Variants in CADM2 observed in about 807,000 individuals in gnomAD.
CADM2 encodes immunoglobulin superfamily member 4D.
In CADM2, 12 loss-of-function variants were observed where a neutral mutation model predicts 49.8. That is an observed-to-expected ratio of 0.24 (90% CI 0.15 to 0.39). The LOEUF is 0.39. Among genes scored for constraint, CADM2 ranks in the 10% least tolerant of loss-of-function variants. The probability of loss-of-function intolerance (pLI) is 1.00; values close to 1 mark genes in which losing one functional copy is unlikely to be tolerated. For synonymous variants in CADM2, 214 were observed against 175.4 expected (o/e 1.22, Z -1.74); for missense variants, 378 against 492.3 (o/e 0.77, Z 2.20).
chr3:85,132,290 C>T (rs756940075), intron 1 of CADM2, among the ~76,000 whole-genome samples: 12 of 152,218 alleles, frequency 7.9e-5, no homozygotes, highest in Non-Finnish European at 1.3e-4. Context: ...CAAAGAACCC[C>T]GTGACTACCT....
chr3:85,326,386 T>G (rs368713908), intron 1 of CADM2, among the ~76,000 whole-genome samples: 12 of 152,210 alleles, frequency 7.9e-5, no homozygotes, highest in African/African-American at 2.9e-4. Context: ...CATAAAAGTG[T>G]TGACTGAGTT....
intron 8 of CADM2, among the ~76,000 whole-genome samples, chr3:85,999,271 T>G (rs28526427): frequency 0.85 from 120,748 of 142,790 alleles, 50,915 homozygotes; most frequent in East Asian, 0.93. Flanking sequence ...GGCCGAGGGT[T>G]GGGGGGTGGA....
chr3:85,520,035 A>G lies in CADM2; in HGVS notation c.62-206487A>G, dbSNP rs191814078. ...AGATGCACTAAAATCTACCAACAGT[A>G]CTATTGTCCCTGGAGACTATTATAA... On this transcript the variant is annotated intron_variant, in intron 1 of 9. Transcript: ENST00000383699. Among the ~76,000 whole-genome samples, 142 of 152,170 alleles carry G rather than the reference A, an allele frequency of 9.3e-4. 1 individual carries two copies. Among genetic ancestry groups the G allele is most frequent in the Non-Finnish European group, 9.6e-4 (65 of 67,924 alleles).
At chr3:85,018,586 C>G (rs2034351663) in intron 1 of CADM2, among the ~76,000 whole-genome samples, 1 of 152,022 alleles carries the variant, frequency 6.6e-6, no homozygotes, top group Non-Finnish European at 1.5e-5. Context: ...AACTCCTGAC[C>G]TCAGGTGATC....
At chr3:85,842,308 G>A (rs1227437325) in intron 3 of CADM2, among the ~76,000 whole-genome samples, 2 of 152,078 alleles carry the variant, frequency 1.3e-5, no homozygotes, top group East Asian at 1.9e-4. Flanking sequence ...GCAGCCTCTG[G>A]AGATGAGGAA....
intron 2 of CADM2, among the ~76,000 whole-genome samples, chr3:85,797,490 T>C (rs2071698389): frequency 1.3e-5 from 2 of 152,158 alleles, no homozygotes; most frequent in Admixed American, 6.6e-5. Context: ...CTCCCACTTA[T>C]GAGTGAGAAC....
chr3:85,660,607 C>T (rs1048201833), intron 1 of CADM2, among the ~76,000 whole-genome samples: 3 of 152,026 alleles, frequency 2.0e-5, no homozygotes, highest in African/African-American at 7.2e-5. Context: ...ATTTCACTAT[C>T]TTGTTTGATT....
intron 1 of CADM2, among the ~76,000 whole-genome samples, chr3:85,566,659 A>G (rs764550447): frequency 6.6e-6 from 1 of 152,164 alleles, no homozygotes; most frequent in Admixed American, 6.6e-5. Flanking sequence ...AAAAAATTGG[A>G]AAATCTGCTC....
Position 85,927,533 on chromosome 3 carries a change from G to A in CADM2, c.701-8234G>A, listed in dbSNP as rs2108518128. On this transcript the variant is annotated intron_variant, in intron 6 of 9. Coordinates refer to ENST00000383699, the MANE Select transcript of CADM2 (RefSeq NM_001167675.2). ...TGTCTTAGGAACTATGTAAGTGTTT[G>A]TCAAATGAATAAATGACAGTACTCA... is the stretch of plus-strand genomic sequence containing the variant. 3.3e-5 allele frequency among the ~76,000 whole-genome samples: 5 copies of A among 152,276 alleles called. No homozygotes were observed. The Middle Eastern group carries it at 0.014, about 414-fold the overall frequency.
intron 3 of CADM2, among the ~76,000 whole-genome samples, chr3:85,881,422 T>C (rs1712753248): frequency 6.6e-6 from 1 of 152,184 alleles, no homozygotes. Flanking sequence ...GTTATGATTT[T>C]CCTGGTGTTT....
chr3:85,730,892 C>A (rs568825738), intron 2 of CADM2, among the ~76,000 whole-genome samples: 1 of 151,950 alleles, frequency 6.6e-6, no homozygotes, highest in Non-Finnish European at 1.5e-5. Flanking sequence ...ATTTTCAAAG[C>A]GAATGTCTTA....
intron 1 of CADM2, among the ~76,000 whole-genome samples, chr3:85,238,250 T>G (rs528545984): frequency 2.6e-5 from 4 of 152,148 alleles, no homozygotes; most frequent in African/African-American, 9.6e-5. Context: ...GTGCCATATT[T>G]ACATTCTATA....
intron 1 of CADM2, among the ~76,000 whole-genome samples, chr3:85,686,729 C>T (rs1490526908): frequency 8.5e-5 from 13 of 152,154 alleles, no homozygotes; most frequent in Admixed American, 8.5e-4. Context: ...ACCTGCCCCC[C>T]ATTCTATTCA....
intron 1 of CADM2, among the ~76,000 whole-genome samples, chr3:85,308,709 A>C (rs551898293): frequency 5.3e-5 from 8 of 152,134 alleles, no homozygotes; most frequent in African/African-American, 1.9e-4. Flanking sequence ...AGAGCTTTGC[A>C]GTGTATAAAG....
chr3:85,866,747 G>A (rs13071488), intron 3 of CADM2, among the ~76,000 whole-genome samples: 48,312 of 151,588 alleles, frequency 0.32, 8,890 homozygotes, highest in East Asian at 0.46. Context: ...TTCTCCATTT[G>A]TCCCCATTAT....
At chr3:85,075,292 C>A (rs1036088915) in intron 1 of CADM2, among the ~76,000 whole-genome samples, 1 of 151,212 alleles carries the variant, frequency 6.6e-6, no homozygotes. Flanking sequence ...TTTAGCAAAG[C>A]CTGGAAATGA....
chr3:85,364,624 T>A (rs2032608892), intron 1 of CADM2, among the ~76,000 whole-genome samples: 1 of 152,206 alleles, frequency 6.6e-6, no homozygotes, highest in East Asian at 1.9e-4. Context: ...TGGCTTTTTA[T>A]AAATCTAAAA....
intron 2 of CADM2, among the ~76,000 whole-genome samples, chr3:85,769,644 C>T (rs1448239431): frequency 1.4e-5 from 2 of 139,692 alleles, no homozygotes; most frequent in Admixed American, 7.7e-5. Flanking sequence ...CACATATATA[C>T]ATATATACAT....
intron 1 of CADM2, among the ~76,000 whole-genome samples, chr3:85,606,466 C>A (rs1447359631): frequency 1.3e-5 from 2 of 151,984 alleles, no homozygotes; most frequent in Non-Finnish European, 2.9e-5. Context: ...AAGTAATATA[C>A]TATAAAAACA....
Sources: gnomAD v4.1 joint callset for allele counts (sites outside exome capture counted in the v4.1 genomes callset) on GRCh38, gnomAD v4.1.1 for gene constraint, MANE v1.5 for transcripts, NCBI Gene and HGNC (gene_info 2026-07-23, HGNC 2026-07-21) for gene names.